Variants in SBF2 observed in about 807,000 individuals in gnomAD.
The protein encoded by SBF2 is myotubularin-related protein 13.
A neutral mutation model predicts 225.2 loss-of-function variants in SBF2; 112 were observed. The ratio of observed to expected loss-of-function variants is 0.50; its 90% CI spans 0.43 to 0.58. The LOEUF (loss-of-function observed/expected upper bound fraction) is 0.58. Ranked by LOEUF, SBF2 falls within the 20% of genes least tolerant of loss-of-function variation. The probability of loss-of-function intolerance (pLI) is 0.00; values close to 1 mark genes in which losing one functional copy is unlikely to be tolerated. For synonymous variants in SBF2, 763 were observed against 773.3 expected, an observed-to-expected ratio of 0.99 and a Z score of 0.22; for missense variants, 1,996 against 2,206.2, an observed-to-expected ratio of 0.90 and a Z score of 1.91.
chr11:10,026,189 G>A (rs902215878), intron 6 of SBF2, among the ~76,000 whole-genome samples: 2 of 151,968 alleles, frequency 1.3e-5, no homozygotes, highest in African/African-American at 4.8e-5. Flanking sequence ...ACAACTCATG[G>A]TAAAACTAAG....
intron 2 of SBF2, 140 bp from the exon 3 acceptor site, chr11:10,043,121 A>G: frequency 1.3e-6 from 1 of 785,466 alleles, no homozygotes; most frequent in Non-Finnish European, 2.0e-6. Flanking sequence ...ATTTAAAAAA[A>G]AGTTAATGTA....
rs545487221 is a variant in SBF2 at position 10,134,200 on chromosome 11, A to C, written c.141+59702T>G. ...AAACTCCCCTTTACAAAACCATCAG[A>C]TCTCATGAGACTTATTCACTATCAC... On this transcript the variant is annotated intron_variant, in intron 2 of 39. Coordinates refer to ENST00000256190, the MANE Select transcript of SBF2 (RefSeq NM_030962.4). Among the ~76,000 whole-genome samples the C allele has an allele frequency of 4.6e-5, 7 of 152,236 alleles. No individual in the cohort carries two copies. The South Asian group carries it at 1.5e-3, about 32-fold the overall frequency.
At chr11:9,925,483 G>A (rs1863962302) in intron 16 of SBF2, among the ~76,000 whole-genome samples, 1 of 152,054 alleles carries the variant, frequency 6.6e-6, no homozygotes, top group Non-Finnish European at 1.5e-5. Context: ...CTCCATGTTG[G>A]TCAGGCTGGT....
chr11:10,298,305 T>TGCTTGAACCCA (rs1964566622), upstream of SBF2, among the ~76,000 whole-genome samples: 1 of 152,124 alleles, frequency 6.6e-6, no homozygotes, highest in Non-Finnish European at 1.5e-5. Flanking sequence ...GCAAGAGAAT[T>TGCTTGAACCCA]GCTTGAACCC....
intron 2 of SBF2, among the ~76,000 whole-genome samples, chr11:10,144,314 A>G (rs544300203): frequency 4.3e-4 from 66 of 152,046 alleles, no homozygotes; most frequent in African/African-American, 1.5e-3. Context: ...ATGGTAAAAC[A>G]CTGTCTCTAC....
intron 2 of SBF2, among the ~76,000 whole-genome samples, chr11:10,085,034 A>G (rs1420873480): frequency 6.6e-6 from 1 of 152,226 alleles, no homozygotes; most frequent in African/African-American, 2.4e-5. Context: ...ATGACTTCAT[A>G]ATCTATGTAT....
chr11:10,146,383 A>G (rs1954885813), intron 2 of SBF2, among the ~76,000 whole-genome samples: 2 of 152,164 alleles, frequency 1.3e-5, no homozygotes, highest in African/African-American at 4.8e-5. Flanking sequence ...CACATAGACC[A>G]ATGGAACAGA....
chr11:10,171,651 T>C (rs186713386), intron 2 of SBF2, among the ~76,000 whole-genome samples: 2 of 152,222 alleles, frequency 1.3e-5, no homozygotes, highest in South Asian at 2.1e-4. Flanking sequence ...ACTAGTCTCA[T>C]AGAATAAGGT....
At chr11:10,053,313 T>C (rs1470844135) in intron 2 of SBF2, among the ~76,000 whole-genome samples, 6 of 152,182 alleles carry the variant, frequency 3.9e-5, no homozygotes, top group Non-Finnish European at 8.8e-5. Context: ...TAGAACTGGT[T>C]TTCTAGAGCA....
rs149664450 is a variant in SBF2, at chr11:10,287,670, C to T, written c.55+6345G>A. Among the ~76,000 whole-genome samples, 7 of 152,316 alleles carry T rather than the reference C, an allele frequency of 4.6e-5. No individual in the cohort carries two copies. In the East Asian group the frequency reaches 1.2e-3, roughly 25 times the overall value. ...TCACTTAAAAGAGTAAATTTTATTG[C>T]ATGTAATTTATACTTTATTAGATAT... On this transcript the variant is annotated intron_variant, in intron 1 of 39. Transcript: ENST00000256190.
intron 2 of SBF2, among the ~76,000 whole-genome samples, chr11:10,134,701 C>G (rs369406826): frequency 5.6e-4 from 86 of 152,332 alleles, no homozygotes; most frequent in African/African-American, 2.0e-3. Flanking sequence ...GACTCCAGGT[C>G]TCATATCCAG....
chr11:10,002,494 A>G, intron 7 of SBF2, 63 bp downstream of exon 7: 1 of 1,331,152 alleles, frequency 7.5e-7, no homozygotes, highest in East Asian at 2.4e-5. Flanking sequence ...TAACATTATG[A>G]CTTATCAACG....
intron 16 of SBF2, among the ~76,000 whole-genome samples, chr11:9,898,370 AAAC>A (rs142343358): frequency 0.18 from 28,044 of 152,050 alleles, 2,914 homozygotes; most frequent in Middle Eastern, 0.23. Flanking sequence ...ATGACTACTG[AAAC>A]AATAATGGAT....
At chr11:9,899,575 C>G (rs1321163618) in intron 16 of SBF2, among the ~76,000 whole-genome samples, 2 of 150,640 alleles carry the variant, frequency 1.3e-5, no homozygotes, top group Admixed American at 6.6e-5. Context: ...CAGGGCTCAA[C>G]TAGATGAACG....
Position 10,282,122 on chromosome 11 carries a change from C to G in SBF2, c.55+11893G>C, listed in dbSNP as rs149858224. 1.1e-4 allele frequency among the ~76,000 whole-genome samples: 17 copies of G among 152,186 alleles called. No individual in the cohort carries two copies. The East Asian group carries it at 3.3e-3, about 29-fold the overall frequency. ...TTAAATCCATAAGCCTATTTTTAGTCCTTATTATACATGACATTTTCAGCA... is the reference window on the plus strand; with the variant it reads ...TTAAATCCATAAGCCTATTTTTAGTGCTTATTATACATGACATTTTCAGCA... On this transcript the variant is annotated intron_variant, in intron 1 of 39. Coordinates refer to ENST00000256190, the MANE Select transcript of SBF2 (RefSeq NM_030962.4).
In SBF2 at chr11:9,780,400, G is replaced by A. The variant is rs774027515; in HGVS notation, c.*18C>T. The A allele has an allele frequency of 1.1e-5, 18 of 1,596,948 alleles. No homozygotes were observed. Among genetic ancestry groups the A allele is most frequent in the East Asian group, 4.5e-5 (2 of 44,818 alleles). ...GCATGAGTTCTTCTGTTTCTTCTGC[G>A]TGGGTTGACCATGGGCATCAGGCAT... On this transcript the variant is annotated 3_prime_UTR_variant, in exon 40 of 40. Transcript: ENST00000256190.
At chr11:9,819,182 T>G (rs552585825) in intron 28 of SBF2, 3 of 152,220 alleles carry the variant, frequency 2.0e-5, no homozygotes, top group Admixed American at 6.5e-5. Flanking sequence ...TAGTTTCACA[T>G]GAAGATGGTT....
chr11:9,967,828 T>C (rs1188746137), intron 14 of SBF2, among the ~76,000 whole-genome samples: 1 of 151,818 alleles, frequency 6.6e-6, no homozygotes, highest in African/African-American at 2.4e-5. Context: ...GGCAAGAGAA[T>C]TGCTTGAACC....
At chr11:9,961,879 T>C (rs539924777) in intron 16 of SBF2, 78 bp downstream of exon 16, 26 of 1,374,994 alleles carry the variant, frequency 1.9e-5, no homozygotes, top group East Asian at 9.2e-5. Context: ...AACTGATATA[T>C]TGGTAATTAC....
Sources: allele counts gnomAD v4.1 joint callset (sites outside exome capture counted in the v4.1 genomes callset), GRCh38; gene constraint gnomAD v4.1.1; transcripts MANE v1.5; gene names NCBI Gene and HGNC (gene_info 2026-07-23, HGNC 2026-07-21).